Variants in ZNF608 observed in about 807,000 individuals in gnomAD.
ZNF608 encodes the protein zinc finger protein 608, also known as renal carcinoma antigen NY-REN-36.
A neutral mutation model predicts 109.0 loss-of-function variants in ZNF608; 12 were observed. That is an observed-to-expected ratio of 0.11 (90% CI 0.07 to 0.18). The LOEUF (loss-of-function observed/expected upper bound fraction) is 0.18, where lower values mean the gene tolerates loss of function less well. ZNF608 is among the 10% of genes least tolerant of loss of function. The pLI is 1.00. For synonymous variants in ZNF608, 732 were observed against 717.4 expected (o/e 1.02, Z -0.33); for missense variants, 1,707 against 1,879.3 (o/e 0.91, Z 1.70).
intron 3 of ZNF608, among the ~76,000 whole-genome samples, chr5:124,660,973 AG>A (rs2149803120): frequency 6.6e-6 from 1 of 152,338 alleles, no homozygotes; most frequent in South Asian, 2.1e-4. Context: ...GCTGGTGACC[AG>A]GCTTACTATA....
intron 8 of ZNF608, 54 bp downstream of exon 8, chr5:124,641,198 A>G: frequency 6.2e-7 from 1 of 1,608,878 alleles, no homozygotes; most frequent in South Asian, 1.1e-5. Context: ...CAATTTTAGC[A>G]ACTGTTTTCC....
At position 124,665,375 on chromosome 5, in the gene ZNF608, A is replaced by G. The variant is rs189388092; in HGVS notation, c.1163-15678T>C. On this transcript the variant is annotated intron_variant, in intron 3 of 9. Transcript: ENST00000513986. ...TATAAATTTAATTTGCTGAACTGCC[A>G]TGCTTCAATCACATGAAATATTAAA... Among the ~76,000 whole-genome samples, 32 of 152,348 alleles carry G rather than the reference A, an allele frequency of 2.1e-4. No individual in the cohort carries two copies. In the East Asian group the frequency reaches 5.8e-3, roughly 28 times the overall value.
intron 3 of ZNF608, among the ~76,000 whole-genome samples, chr5:124,652,487 G>A (rs1750833866): frequency 6.6e-6 from 1 of 152,120 alleles, no homozygotes; most frequent in Admixed American, 6.5e-5. Flanking sequence ...TGTACGAGCC[G>A]CTTCACAATG....
At chr5:124,719,627 G>C (rs377469487) in intron 2 of ZNF608, among the ~76,000 whole-genome samples, 9 of 152,120 alleles carry the variant, frequency 5.9e-5, no homozygotes, top group African/African-American at 2.2e-4. Context: ...CTTAATTCAA[G>C]GGCTTGTTGA....
chr5:124,658,075 G>C (rs1016443239), intron 3 of ZNF608, among the ~76,000 whole-genome samples: 3 of 151,986 alleles, frequency 2.0e-5, no homozygotes, highest in African/African-American at 7.3e-5. Flanking sequence ...AGTAGTTCCT[G>C]CTAAGGTTCC....
intron 3 of ZNF608, among the ~76,000 whole-genome samples, chr5:124,672,367 T>C (rs1474348846): frequency 6.6e-6 from 1 of 152,222 alleles, no homozygotes; most frequent in Non-Finnish European, 1.5e-5. Flanking sequence ...CACTGGCCTA[T>C]GCTCTTCCTC....
chr5:124,704,739 C>T (rs1341890039), intron 2 of ZNF608, among the ~76,000 whole-genome samples: 3 of 152,068 alleles, frequency 2.0e-5, no homozygotes, highest in Non-Finnish European at 4.4e-5. Flanking sequence ...ACGTGACTTG[C>T]CCAACCAGAG....
rs13158367 is a variant in ZNF608 at position 124,715,865 on chromosome 5, C to T, written c.907-14596G>A. Among the ~76,000 whole-genome samples, 1,051 of 152,168 alleles carry T rather than the reference C, an allele frequency of 6.9e-3. 6 individuals are homozygous for T. Among genetic ancestry groups the T allele is most frequent in the Middle Eastern group, 0.02 (6 of 294 alleles). On this transcript the variant is annotated intron_variant, in intron 2 of 9. Transcript: ENST00000513986. ...ATAGCTGCATTACTCTAATATAGGC[C>T]GGGCGCGGTGGCTCACGCCTGTAAT...
intron 3 of ZNF608, among the ~76,000 whole-genome samples, chr5:124,665,605 T>C (rs1010481737): frequency 6.6e-6 from 1 of 152,214 alleles, no homozygotes; most frequent in Non-Finnish European, 1.5e-5. Flanking sequence ...TGTATTTCTA[T>C]TTTTTTATTA....
Position 124,648,081 on chromosome 5 carries a change from A to G in ZNF608, c.2303T>C (p.Leu768Pro), listed in dbSNP as rs1750613655. The change falls in exon 5 of 10, where the codon CTG (leucine) becomes CCG (proline). Residue 768 changes from leucine to proline, a missense_variant. Physicochemically the swap from Leu to Pro is moderately conservative, Grantham distance 98. This residue lies in a region of ZNF608 where 1,073 missense variants were observed against 1,133.5 expected (regional missense o/e 0.95). Coordinates refer to ENST00000513986, the MANE Select transcript of ZNF608 (RefSeq NM_020747.3). ...TTTTTGTIPG[L>P]PSLTTTVVQA... ...AACAACAGTTGTTGTGAGGGAGGGC[A>G]GTCCGGGTATTGTCCCAGTGGTGGT... 1.9e-6 allele frequency: 3 copies of G among 1,559,286 alleles called. No individual in the cohort carries two copies. The highest frequency in any genetic ancestry group is 1.4e-5 in the African/African-American group (1 of 72,320).
Position 124,680,241 on chromosome 5 carries a change from T to G in ZNF608, c.1162+20773A>C, listed in dbSNP as rs192641267. On this transcript the variant is annotated intron_variant, in intron 3 of 9. Transcript: ENST00000513986. ...TGGCACATTCCATATTGACTGAAAT[T>G]ATCTCTATTTCAGGTCATGGAATAA... Among the ~76,000 whole-genome samples the G allele has an allele frequency of 3.5e-3, 530 of 152,260 alleles. 3 individuals are homozygous for G. Among genetic ancestry groups the G allele is most frequent in the African/African-American group, 0.012 (493 of 41,550 alleles).
At chr5:124,688,457 T>C (rs906836502) in intron 3 of ZNF608, among the ~76,000 whole-genome samples, 28 of 152,188 alleles carry the variant, frequency 1.8e-4, no homozygotes, top group African/African-American at 4.8e-4. Flanking sequence ...TACAACTTCA[T>C]CCCTTTGTCA....
chr5:124,748,677 G>A, upstream of ZNF608: 1 of 686,100 alleles, frequency 1.5e-6, no homozygotes, highest in Non-Finnish European at 1.8e-6. Context: ...ACCGTCCTGT[G>A]TATTTTTTAT....
intron 3 of ZNF608, among the ~76,000 whole-genome samples, chr5:124,673,652 A>G (rs1367526486): frequency 6.6e-6 from 1 of 152,176 alleles, no homozygotes; most frequent in Non-Finnish European, 1.5e-5. Context: ...AACAAAATAG[A>G]GTTAAACACA....
At chr5:124,668,654 G>T (rs1306832283) in intron 3 of ZNF608, among the ~76,000 whole-genome samples, 1 of 152,124 alleles carries the variant, frequency 6.6e-6, no homozygotes, top group Non-Finnish European at 1.5e-5. Context: ...CAGTTGCCTG[G>T]CTCTCAGCAC....
At chr5:124,687,972 CATT>C (rs974145017) in intron 3 of ZNF608, among the ~76,000 whole-genome samples, 3 of 152,130 alleles carry the variant, frequency 2.0e-5, no homozygotes, top group Admixed American at 6.5e-5. Flanking sequence ...TCAAGTGACA[CATT>C]ATATATTATA....
chr5:124,694,223 G>C (rs1752749708), intron 3 of ZNF608, among the ~76,000 whole-genome samples: 2 of 134,162 alleles, frequency 1.5e-5, no homozygotes, highest in South Asian at 4.7e-4. Flanking sequence ...TCGATCTCCT[G>C]ACCTCCTGAT....
intron 2 of ZNF608, among the ~76,000 whole-genome samples, chr5:124,713,199 AGGTG>A (rs1165401548): frequency 3.3e-5 from 5 of 152,142 alleles, no homozygotes; most frequent in Non-Finnish European, 5.9e-5. Flanking sequence ...TAGTTCCCTA[AGGTG>A]GTTCCACCCT....
In ZNF608 at chr5:124,639,158, A is replaced by G. The variant is rs1750120314; in HGVS notation, c.4507T>C (p.Ser1503Pro). ...SQQVAAQASA[S>P]GMFPGQRRE ...CTTCTTTGTCCAGGAAACATTCCAG[A>G]TGCAGATGCCTGGGCAGCCACCTGC... Residue 1503 changes from serine to proline, a missense_variant, in exon 9 of 10, where the codon TCT (serine) becomes CCT (proline). By Grantham distance (74) the Ser-to-Pro change is moderately conservative. Coordinates refer to ENST00000513986, the MANE Select transcript of ZNF608 (RefSeq NM_020747.3). 6.2e-7 allele frequency: 1 copy of G among 1,614,232 alleles called. No homozygotes were observed. The highest frequency in any genetic ancestry group is 8.5e-7 in the Non-Finnish European group (1 of 1,180,030).
Sources: gnomAD v4.1 joint callset for allele counts (sites outside exome capture counted in the v4.1 genomes callset) on GRCh38, gnomAD v4.1.1 for gene constraint, gnomAD v4.1.1 regional missense constraint, MANE v1.5 for transcripts, NCBI Gene and HGNC (gene_info 2026-07-23, HGNC 2026-07-21) for gene names.